The following BRINP1 variants were observed in gnomAD, a reference collection of about 807,000 sequenced individuals.
BRINP1 encodes the protein BMP/retinoic acid-inducible neural-specific protein 1.
Under a neutral mutation model 72.9 loss-of-function variants are expected in BRINP1, and 17 were observed. The ratio of observed to expected loss-of-function variants is 0.23; its 90% CI spans 0.16 to 0.35. BRINP1 has a LOEUF of 0.35. Among genes scored for constraint, BRINP1 ranks in the 10% least tolerant of loss-of-function variants. The pLI is 1.00. For missense variants in BRINP1, 850 were observed against 1,001.6 expected (o/e 0.85, Z 2.04); for synonymous variants, 418 against 378.5 (o/e 1.10, Z -1.21).
At chr9:119,235,315 C>T (rs1830183592) in intron 5 of BRINP1, among the ~76,000 whole-genome samples, 1 of 152,182 alleles carries the variant, frequency 6.6e-6, no homozygotes, top group Non-Finnish European at 1.5e-5. Flanking sequence ...ATTATCTTGT[C>T]TTTCTCACCA....
chr9:119,360,366 C>G (rs1424459962), intron 1 of BRINP1, among the ~76,000 whole-genome samples: 1 of 152,232 alleles, frequency 6.6e-6, no homozygotes, highest in African/African-American at 2.4e-5. Flanking sequence ...CCTGTAGGTC[C>G]TTCCTTTATC....
At chr9:119,173,833 T>C (rs368038501) in intron 7 of BRINP1, among the ~76,000 whole-genome samples, 19 of 142,058 alleles carry the variant, frequency 1.3e-4, no homozygotes, top group Admixed American at 1.2e-3. Flanking sequence ...TCAGAAATAA[T>C]GCCGCATATC....
intron 5 of BRINP1, among the ~76,000 whole-genome samples, chr9:119,237,504 A>G (rs927081312): frequency 3.3e-5 from 5 of 151,822 alleles, no homozygotes; most frequent in African/African-American, 1.2e-4. Context: ...CTGGGACTAC[A>G]GGCGCCTGCC....
intron 5 of BRINP1, among the ~76,000 whole-genome samples, chr9:119,224,947 T>C (rs571399926): frequency 6.6e-6 from 1 of 152,182 alleles, no homozygotes; most frequent in Admixed American, 6.5e-5. Context: ...AATGTAATAA[T>C]GAAATCTGCC....
intron 1 of BRINP1, among the ~76,000 whole-genome samples, chr9:119,364,905 A>C (rs1340997039): frequency 2.6e-5 from 4 of 152,278 alleles, no homozygotes; most frequent in African/African-American, 9.6e-5. Flanking sequence ...GCATTGCTTT[A>C]AATGAACATG....
intron 2 of BRINP1, among the ~76,000 whole-genome samples, chr9:119,250,064 AGAAG>A (rs1308492595): frequency 2.0e-4 from 19 of 95,018 alleles, no homozygotes; most frequent in East Asian, 1.3e-3. Flanking sequence ...GAGGGAGGGA[AGAAG>A]GAAGGAAGGA....
rs370480917 is a variant in BRINP1, at chr9:119,329,088, G to T, written c.-50-15683C>A. Among the ~76,000 whole-genome samples the T allele has an allele frequency of 2.0e-5, 3 of 152,198 alleles. No individual in the cohort carries two copies. In the East Asian group the frequency reaches 5.8e-4, roughly 29 times the overall value. On this transcript the variant is annotated intron_variant, in intron 1 of 7. Coordinates refer to ENST00000265922, the MANE Select transcript of BRINP1 (RefSeq NM_014618.3). ...AAAGATAGAAACAGGCACTACACAG[G>T]TGCTCAAGATACAGCGACTCAATAA...
chr9:119,169,371 C>T (rs138142736), intron 7 of BRINP1, among the ~76,000 whole-genome samples: 12,141 of 152,164 alleles, frequency 0.08, 1,474 homozygotes, highest in African/African-American at 0.27. Context: ...GGGTGACTGA[C>T]GGCACCTGGA....
intron 2 of BRINP1, among the ~76,000 whole-genome samples, chr9:119,284,348 C>T (rs1299066054): frequency 6.6e-6 from 1 of 152,196 alleles, no homozygotes; most frequent in Non-Finnish European, 1.5e-5. Flanking sequence ...CAATGTGGTA[C>T]AGGCAAGAGG....
At chr9:119,339,441 G>A (rs190353351) in intron 1 of BRINP1, among the ~76,000 whole-genome samples, 1 of 152,300 alleles carries the variant, frequency 6.6e-6, no homozygotes, top group East Asian at 1.9e-4. Context: ...TCAGCATCAA[G>A]AGGTCAGGTC....
At chr9:119,242,972 CT>C (rs1036051452) in intron 3 of BRINP1, among the ~76,000 whole-genome samples, 3 of 98,326 alleles carry the variant, frequency 3.1e-5, no homozygotes, top group Non-Finnish European at 5.9e-5. Context: ...GGGCATGTTT[CT>C]TTTTTCTTTT....
rs1213117962 is a variant in BRINP1, at chr9:119,368,790, G to A, written c.-51+266C>T. Among the ~76,000 whole-genome samples, 1 of 152,082 alleles carries A rather than the reference G, an allele frequency of 6.6e-6. No individual in the cohort carries two copies. Among genetic ancestry groups the A allele is most frequent in the African/African-American group, 2.4e-5 (1 of 41,414 alleles). ...CGCAAACACACTAGCACCACATCAA[G>A]TTCCCACCATGGTGCACACGTCGGG... On this transcript the variant is annotated intron_variant, in intron 1 of 7. Transcript: ENST00000265922. The surrounding 1 kb of genome is among the most constrained non-coding windows in gnomAD (Gnocchi z 4.7).
intron 7 of BRINP1, among the ~76,000 whole-genome samples, chr9:119,193,687 T>G (rs1256815860): frequency 6.6e-6 from 1 of 152,174 alleles, no homozygotes; most frequent in Non-Finnish European, 1.5e-5. Context: ...ACAATTTGTT[T>G]TCAAAAAATA....
chr9:119,314,312 A>G (rs1440096859), intron 1 of BRINP1, among the ~76,000 whole-genome samples: 1 of 152,228 alleles, frequency 6.6e-6, no homozygotes, highest in Non-Finnish European at 1.5e-5. Flanking sequence ...TGGAGAGGAT[A>G]GACCAGAAAT....
intron 1 of BRINP1, among the ~76,000 whole-genome samples, chr9:119,324,871 G>A (rs1460007001): frequency 2.0e-5 from 3 of 152,114 alleles, no homozygotes; most frequent in Non-Finnish European, 4.4e-5. Context: ...AGACCGAGGT[G>A]GGCAGATCAC....
chr9:119,192,863 TAA>T (rs1829696443), intron 7 of BRINP1, among the ~76,000 whole-genome samples: 1 of 152,038 alleles, frequency 6.6e-6, no homozygotes, highest in East Asian at 1.9e-4. Context: ...TATCAACAAA[TAA>T]ATGTATAAAG....
intron 2 of BRINP1, among the ~76,000 whole-genome samples, chr9:119,307,210 T>G (rs1831006874): frequency 6.6e-6 from 1 of 151,904 alleles, no homozygotes; most frequent in Admixed American, 6.6e-5. Context: ...CAAATACAAT[T>G]GCTAAGTGTC....
intron 2 of BRINP1, among the ~76,000 whole-genome samples, chr9:119,277,777 T>A (rs1384609125): frequency 6.6e-6 from 1 of 152,094 alleles, no homozygotes; most frequent in Admixed American, 6.6e-5. Context: ...TGTAAACATA[T>A]CTAGTAATCT....
intron 1 of BRINP1, among the ~76,000 whole-genome samples, chr9:119,355,820 G>A (rs1005220466): frequency 6.6e-6 from 1 of 151,746 alleles, no homozygotes; most frequent in Non-Finnish European, 1.5e-5. Flanking sequence ...GACCACAGAG[G>A]ATTCCATTCT....
Sources: gnomAD v4.1 joint callset for allele counts (sites outside exome capture counted in the v4.1 genomes callset) on GRCh38, gnomAD v4.1.1 for gene constraint, Gnocchi (gnomAD v3.1) non-coding constraint, MANE v1.5 for transcripts, NCBI Gene and HGNC (gene_info 2026-07-23, HGNC 2026-07-21) for gene names.